The following SCN3A variants were observed in gnomAD, a reference collection of about 807,000 sequenced individuals.
The protein encoded by SCN3A is sodium channel protein type 3 subunit alpha.
A neutral mutation model predicts 187.6 loss-of-function variants in SCN3A; 60 were observed. That is an observed-to-expected ratio of 0.32 (90% CI 0.26 to 0.40). The LOEUF (loss-of-function observed/expected upper bound fraction) is 0.40, where lower values mean the gene tolerates loss of function less well. Ranked by LOEUF, SCN3A falls within the 10% of genes least tolerant of loss-of-function variation. The probability of loss-of-function intolerance (pLI) is 1.00; values close to 1 mark genes in which losing one functional copy is unlikely to be tolerated. For synonymous variants in SCN3A, 788 were observed against 829.2 expected, an observed-to-expected ratio of 0.95 and a Z score of 0.85; for missense variants, 1,601 against 2,428.2, an observed-to-expected ratio of 0.66 and a Z score of 7.16.
At chr2:165,172,222 C>A (rs1341896986) in intron 3 of SCN3A, among the ~76,000 whole-genome samples, 1 of 152,040 alleles carries the variant, frequency 6.6e-6, no homozygotes, top group Non-Finnish European at 1.5e-5. Context: ...TTAAGACCAT[C>A]AAGCCAACCA....
chr2:165,157,291 A>C (rs1209055585), intron 9 of SCN3A, among the ~76,000 whole-genome samples: 1 of 152,076 alleles, frequency 6.6e-6, no homozygotes, highest in Non-Finnish European at 1.5e-5. Flanking sequence ...ATGTCTTTTT[A>C]GGCTCCTCTT....
intron 6 of SCN3A, among the ~76,000 whole-genome samples, chr2:165,164,060 GC>G (rs1689582084): frequency 6.6e-6 from 1 of 152,046 alleles, no homozygotes; most frequent in Non-Finnish European, 1.5e-5. Flanking sequence ...AAATCGTGTT[GC>G]TTTATTTCAA....
In SCN3A at chr2:165,204,000, CAA is replaced by C. The variant is rs924545096; in HGVS notation, c.-427_-426del. On this transcript the variant is annotated 5_prime_UTR_variant, in exon 1 of 28. Coordinates refer to ENST00000283254, the MANE Select transcript of SCN3A (RefSeq NM_006922.4). ...CTTTCTTTCTCTGTGGATAAGAAAA[CAA>C]AGAGACCTTTCCAGAATCCTCTCTG... is the stretch of plus-strand genomic sequence containing the variant. The C allele has an allele frequency of 3.5e-5, 4 of 112,710 alleles. No homozygotes were observed. The highest frequency in any genetic ancestry group is 1.4e-4 in the African/African-American group (4 of 28,654). The allele number at this position is 112,710 out of a possible 1,614,324, so 7.0% of individuals were successfully genotyped here. A position where few individuals can be genotyped will look rare whatever the true frequency, so the allele number is the denominator to read the frequency against.
At position 165,162,656 on chromosome 2, in the gene SCN3A, G is replaced by C. The variant is rs750861732; in HGVS notation, c.867C>G (p.Thr289=). The C allele has an allele frequency of 6.2e-7, 1 of 1,614,148 alleles. No homozygotes were observed. The highest frequency in any genetic ancestry group is 8.5e-7 in the Non-Finnish European group (1 of 1,180,008). The change falls in exon 8 of 28, where the codon ACC becomes ACG. Residue 289 remains threonine (T), a synonymous_variant. Transcript: ENST00000283254. ...QWPPSDSAFE[T]NTTSYFNGTM... ...TGCCATTAAAGTAGGAAGTGGTGTT[G>C]GTTTCAAAAGCAGAATCGCTTGGGG...
At position 165,103,706 on chromosome 2, in the gene SCN3A, A is replaced by G. The variant is rs532865633; in HGVS notation, c.3844-3282T>C. ...GATGGTTCCAAAGAAGATTCTGGAA[A>G]TCCTGTGATTGGTTAAGGAACCAAA... On this transcript the variant is annotated intron_variant, in intron 21 of 27. Transcript: ENST00000283254. 1.8e-4 allele frequency among the ~76,000 whole-genome samples: 28 copies of G among 152,272 alleles called. 1 individual carries two copies. The highest frequency in any genetic ancestry group is 5.2e-4 in the Admixed American group (8 of 15,286).
intron 6 of SCN3A, among the ~76,000 whole-genome samples, chr2:165,164,054 C>T (rs998796452): frequency 1.3e-5 from 2 of 152,122 alleles, no homozygotes; most frequent in Non-Finnish European, 1.5e-5. Flanking sequence ...GAAACAAAAT[C>T]GTGTTGCTTT....
intron 9 of SCN3A, 44 bp downstream of exon 9, chr2:165,162,264 T>TC: frequency 3.2e-6 from 5 of 1,548,222 alleles, no homozygotes; most frequent in African/African-American, 2.8e-5. Flanking sequence ...CTTTTTTTTT[T>TC]CGCAAAGAGT....
At chr2:165,156,627 TA>T (rs1411803229) in intron 9 of SCN3A, among the ~76,000 whole-genome samples, 23 of 147,090 alleles carry the variant, frequency 1.6e-4, no homozygotes, top group Non-Finnish European at 2.3e-4. Context: ...TTTTCTAAAA[TA>T]AAGTTAATAT....
Position 165,144,337 on chromosome 2 carries a change from A to C in SCN3A, c.1671+2402T>G, listed in dbSNP as rs182666279. On this transcript the variant is annotated intron_variant, in intron 12 of 27. Transcript: ENST00000283254. ...ATTTCCTTCACTTTTGAAATTATCC[A>C]TCTATCTTCTGTCTATTTACAAATA... is the stretch of plus-strand genomic sequence containing the variant. 3.9e-5 allele frequency among the ~76,000 whole-genome samples: 6 copies of C among 152,298 alleles called. No individual in the cohort carries two copies. The East Asian group carries it at 7.7e-4, about 20-fold the overall frequency.
In SCN3A at chr2:165,113,191, G is replaced by T. The variant is rs924492496; in HGVS notation, c.3670-133C>A. Reference sequence around the variant, plus strand: ...TATTTTACATAAACATTGAACATCAGACAAAATCTAAAGACTAAACTAAGT... The same window carrying T: ...TATTTTACATAAACATTGAACATCATACAAAATCTAAAGACTAAACTAAGT... On this transcript the variant is annotated intron_variant, in intron 20 of 27. Transcript: ENST00000283254. 7 of 709,342 alleles carry T rather than the reference G, an allele frequency of 9.9e-6. No homozygotes were observed. In the African/African-American group the frequency reaches 1.3e-4, roughly 13 times the overall value. The allele number at this position is 709,342 out of a possible 1,614,324, so 43.9% of individuals were successfully genotyped here. A position where few individuals can be genotyped will look rare whatever the true frequency, so the allele number is the denominator to read the frequency against.
In SCN3A at chr2:165,088,423, G is replaced by A. The variant is rs1464627121; in HGVS notation, c.*1727C>T. 6.6e-6 allele frequency: 1 copy of A among 152,340 alleles called. No homozygotes were observed. The highest frequency in any genetic ancestry group is 2.4e-5 in the African/African-American group (1 of 41,400). 9.4% of individuals were successfully genotyped at this position (152,340 alleles called of 1,614,324 possible). ...GGAATTAAAAAAATAAGACTAGTCT[G>A]CATACGTAAATACTACAAAAGTTGA... is the stretch of plus-strand genomic sequence containing the variant. On this transcript the variant is annotated 3_prime_UTR_variant, in exon 28 of 28. Transcript: ENST00000283254.
intron 5 of SCN3A, among the ~76,000 whole-genome samples, chr2:165,165,281 A>G (rs927257875): frequency 6.7e-6 from 1 of 149,316 alleles, no homozygotes; most frequent in African/African-American, 2.5e-5. Context: ...AGCATGCTGT[A>G]TAGAGATGTG....
Position 165,131,388 on chromosome 2 carries a change from C to G in SCN3A, c.2421G>C (p.Met807Ile). The G allele has an allele frequency of 6.2e-7, 1 of 1,604,532 alleles. No homozygotes were observed. The highest frequency in any genetic ancestry group is 8.5e-7 in the Non-Finnish European group (1 of 1,174,270). The part of the protein sequence containing the change: ...LVFTGIFTAE[M>I]VLKIIAMDPY... ...GATCCATGGCAATGATCTTGAGAACCATTTCTGCTGTGAAAATCCCAGTAA... is the reference window on the plus strand; with the variant it reads ...GATCCATGGCAATGATCTTGAGAACGATTTCTGCTGTGAAAATCCCAGTAA... Residue 807 changes from methionine (M) to isoleucine (I), a missense_variant, in exon 16 of 28, where the codon ATG (methionine) becomes ATC (isoleucine). Physicochemically the swap from Met to Ile is conservative, Grantham distance 10. Around this residue, in one of 11 missense-constraint regions of SCN3A, gnomAD observed 376 missense variants for 476.0 expected, o/e 0.79. Coordinates refer to ENST00000283254, the MANE Select transcript of SCN3A (RefSeq NM_006922.4).
chr2:165,203,367 C>T (rs1405948028), intron 1 of SCN3A, among the ~76,000 whole-genome samples: 2 of 151,848 alleles, frequency 1.3e-5, no homozygotes, highest in African/African-American at 4.8e-5. Flanking sequence ...ATATTGTTAT[C>T]ACTCCCTATA....
chr2:165,179,345 A>T (rs1690684466), intron 2 of SCN3A, among the ~76,000 whole-genome samples: 1 of 152,154 alleles, frequency 6.6e-6, no homozygotes, highest in Non-Finnish European at 1.5e-5. Context: ...TCCAGATGGG[A>T]ATAGCTAATT....
intron 18 of SCN3A, among the ~76,000 whole-genome samples, chr2:165,119,425 T>C (rs1686541563): frequency 6.6e-6 from 1 of 152,230 alleles, no homozygotes; most frequent in Admixed American, 6.5e-5. Context: ...CTACCTGATA[T>C]GCTTTAGTCA....
chr2:165,089,957 C>T lies in SCN3A; in HGVS notation c.*193G>A. The stretch of plus-strand genomic sequence containing the variant: ...GGTAATAAAAACAGCAACCTCTTGT[C>T]AATGTTGATACCCTGCTTCACAGAG... On this transcript the variant is annotated 3_prime_UTR_variant, in exon 28 of 28. Coordinates refer to ENST00000283254, the MANE Select transcript of SCN3A (RefSeq NM_006922.4). 1.4e-6 allele frequency: 1 copy of T among 714,644 alleles called. No homozygotes were observed. Among genetic ancestry groups the T allele is most frequent in the South Asian group, 2.0e-5 (1 of 51,032 alleles). 44.3% of individuals were successfully genotyped at this position (714,644 alleles called of 1,614,324 possible).
chr2:165,153,153 T>A (rs1392041699), intron 11 of SCN3A, among the ~76,000 whole-genome samples: 1 of 152,066 alleles, frequency 6.6e-6, no homozygotes, highest in Non-Finnish European at 1.5e-5. Context: ...AACTCACCTA[T>A]GGACAACTAA....
intron 15 of SCN3A, among the ~76,000 whole-genome samples, chr2:165,135,741 C>A (rs189480671): frequency 6.6e-6 from 1 of 152,194 alleles, no homozygotes; most frequent in Admixed American, 6.6e-5. Context: ...TTATGCAATG[C>A]ATTATTGATA....
Sources: allele counts gnomAD v4.1 joint callset (sites outside exome capture counted in the v4.1 genomes callset), GRCh38; gene constraint gnomAD v4.1.1; regional missense constraint gnomAD v4.1.1; transcripts MANE v1.5; gene names NCBI Gene and HGNC (gene_info 2026-07-23, HGNC 2026-07-21).